The following SLC26A8 variants were observed in gnomAD, a reference collection of about 807,000 sequenced individuals.
SLC26A8 encodes solute carrier family 26 member 8, also known as testis anion transporter 1.
A neutral mutation model predicts 105.0 loss-of-function variants in SLC26A8; 70 were observed. That is an observed-to-expected ratio of 0.67 (90% CI 0.55 to 0.81). The LOEUF (loss-of-function observed/expected upper bound fraction) is 0.81, where lower values mean the gene tolerates loss of function less well. Ranked by LOEUF, SLC26A8 falls within the 40% of genes least tolerant of loss-of-function variation. SLC26A8 has a pLI of 0.00. For synonymous variants in SLC26A8, 415 were observed against 438.3 expected, an observed-to-expected ratio of 0.95 and a Z score of 0.66; for missense variants, 998 against 1,181.8, an observed-to-expected ratio of 0.84 and a Z score of 2.28.
intron 10 of SLC26A8, among the ~76,000 whole-genome samples, chr6:35,973,286 T>C (rs914978609): frequency 1.3e-5 from 2 of 152,228 alleles, no homozygotes; most frequent in African/African-American, 4.8e-5. Context: ...TCCAAAGTTT[T>C]TGCATGCTTG....
chr6:36,005,907 G>A (rs1031040926), intron 3 of SLC26A8, among the ~76,000 whole-genome samples: 15 of 152,094 alleles, frequency 9.9e-5, no homozygotes, highest in Non-Finnish European at 2.9e-5. Context: ...GAATTCTACT[G>A]TAAGGAAGAT....
At position 35,960,873 on chromosome 6, in the gene SLC26A8, G is replaced by A. The variant is rs1208284642; in HGVS notation, c.1608C>T (p.Asn536=). 1 of 1,614,170 alleles carries A rather than the reference G, an allele frequency of 6.2e-7. No individual in the cohort carries two copies. Among genetic ancestry groups the A allele is most frequent in the Non-Finnish European group, 8.5e-7 (1 of 1,180,018 alleles). ...GATAATCATTGATGCTTCTATAAAT[G>A]TTGGTGTTAGGGATTTGACCCAGGA... ...ILLLGQIPNT[N]IYRSINDYRE... The change falls in exon 14 of 20, where the codon AAC becomes AAT. Residue 536 remains asparagine, a synonymous_variant. Transcript: ENST00000490799.
chr6:36,018,289 A>G (rs138299448), intron 2 of SLC26A8, among the ~76,000 whole-genome samples: 1 of 152,376 alleles, frequency 6.6e-6, no homozygotes, highest in East Asian at 1.9e-4. Flanking sequence ...TGGATAAACA[A>G]AAATGTGGTA....
rs1293607391 is a variant in SLC26A8 at position 35,965,682 on chromosome 6, CAAAA to C, written c.1366-3065_1366-3062del. Among the ~76,000 whole-genome samples the C allele has an allele frequency of 1.6e-3, 107 of 68,952 alleles. 1 individual carries two copies. In the East Asian group the frequency reaches 0.032, roughly 20 times the overall value. The allele number at this position is 68,952 out of a possible 152,430, so 45.2% of individuals were successfully genotyped here. A position where few individuals can be genotyped will look rare whatever the true frequency, so the allele number is the denominator to read the frequency against. ...GGGCAACAAGAGCGAAACTCCATCT[CAAAA>C]AAAAAAAAAAAAAGAAAGAAAGAAA... On this transcript the variant is annotated intron_variant, in intron 11 of 19. Transcript: ENST00000490799.
intron 5 of SLC26A8, among the ~76,000 whole-genome samples, chr6:35,996,327 C>A (rs1285809741): frequency 2.6e-5 from 4 of 152,062 alleles, no homozygotes; most frequent in South Asian, 4.1e-4. Flanking sequence ...GAGAAATAAG[C>A]CTGGAGGATG....
chr6:35,981,398 T>G lies in SLC26A8; in HGVS notation c.1025+723A>C, dbSNP rs543465588. Among the ~76,000 whole-genome samples, 5 of 152,112 alleles carry G rather than the reference T, an allele frequency of 3.3e-5. No individual in the cohort carries two copies. The highest frequency in any genetic ancestry group is 1.2e-4 in the African/African-American group (5 of 41,430). Reference sequence around the variant, plus strand: ...GCTCATGCCTGTAATCCCAGCACTATAGGAGGCCAAGGCAGGAGGAATGTT... The same window carrying G: ...GCTCATGCCTGTAATCCCAGCACTAGAGGAGGCCAAGGCAGGAGGAATGTT... On this transcript the variant is annotated intron_variant, in intron 8 of 19. Transcript: ENST00000490799. The surrounding 1 kb of genome is among the most constrained non-coding windows in gnomAD (Gnocchi z 4.0).
chr6:35,962,375 A>C (rs1392815947), intron 12 of SLC26A8, 151 bp downstream of exon 12: 6 of 629,764 alleles, frequency 9.5e-6, no homozygotes, highest in Non-Finnish European at 1.7e-5. Flanking sequence ...AACAACCTTG[A>C]CTCTCCTTTT....
rs374506769 is a variant in SLC26A8 at position 35,950,240 on chromosome 6, C to G, written c.2472+923G>C. Among the ~76,000 whole-genome samples the G allele has an allele frequency of 1.3e-4, 19 of 151,734 alleles. No individual in the cohort carries two copies. The East Asian group carries it at 3.1e-3, about 25-fold the overall frequency. Reference sequence around the variant, plus strand: ...ATTTCCTTTTTTTGTTTTTGGAAACCTTTAACCTACACAGGTACTGATTTG... The same window carrying G: ...ATTTCCTTTTTTTGTTTTTGGAAACGTTTAACCTACACAGGTACTGATTTG... On this transcript the variant is annotated intron_variant, in intron 19 of 19. Transcript: ENST00000490799.
At position 35,943,851 on chromosome 6, in the gene SLC26A8, G is replaced by A. The variant is rs1193739448; in HGVS notation, c.*49C>T. ...CTCTGGACAATTGACCCCTTTTTGG[G>A]TAGGAGGATTTGCCAGCATTATCTG... On this transcript the variant is annotated 3_prime_UTR_variant, in exon 20 of 20. Coordinates refer to ENST00000490799, the MANE Select transcript of SLC26A8 (RefSeq NM_052961.4). The A allele has an allele frequency of 4.4e-6, 7 of 1,579,510 alleles. No individual in the cohort carries two copies. Among genetic ancestry groups the A allele is most frequent in the Non-Finnish European group, 6.0e-6 (7 of 1,161,858 alleles).
intron 10 of SLC26A8, among the ~76,000 whole-genome samples, chr6:35,971,497 T>C (rs1772795052): frequency 6.6e-6 from 1 of 152,190 alleles, no homozygotes; most frequent in Non-Finnish European, 1.5e-5. Flanking sequence ...GAATAGCAGA[T>C]GATGAACACC....
At chr6:35,966,888 A>G (rs992294786) in intron 11 of SLC26A8, among the ~76,000 whole-genome samples, 1 of 152,204 alleles carries the variant, frequency 6.6e-6, no homozygotes, top group African/African-American at 2.4e-5. Context: ...ACGTGTTTAT[A>G]ATAAAGGAGT....
intron 17 of SLC26A8, among the ~76,000 whole-genome samples, chr6:35,953,126 A>G (rs148475695): frequency 2.8e-4 from 42 of 152,234 alleles, no homozygotes; most frequent in Middle Eastern, 6.8e-3. Flanking sequence ...ATACACAACT[A>G]CAAAGGAAAT....
intron 7 of SLC26A8, among the ~76,000 whole-genome samples, chr6:35,991,021 C>T (rs1187858142): frequency 6.6e-6 from 1 of 152,134 alleles, no homozygotes; most frequent in East Asian, 1.9e-4. Context: ...ATAATGTGTA[C>T]TTGCAATTGC....
chr6:35,986,460 A>C (rs895635531), intron 7 of SLC26A8, among the ~76,000 whole-genome samples: 7 of 152,128 alleles, frequency 4.6e-5, no homozygotes, highest in African/African-American at 1.7e-4. Flanking sequence ...TCCTCTTATC[A>C]AATTGAAATT....
chr6:35,968,425 G>A (rs936789463), intron 11 of SLC26A8, among the ~76,000 whole-genome samples: 4 of 151,234 alleles, frequency 2.6e-5, no homozygotes, highest in African/African-American at 9.7e-5. Flanking sequence ...GATTACAGGC[G>A]GTGCCCTGTA....
rs1395397663 is a variant in SLC26A8 at position 35,943,922 on chromosome 6, C to G, written c.2891G>C (p.Gly964Ala). ...CTCCTAGACATCTTCATTGCTGTTG[C>G]CCTCTGGTGAGTATGAATCCATAGG... is the stretch of plus-strand genomic sequence containing the variant. ...RHPMDSYSPE[G>A]NSNEDV The change falls in exon 20 of 20, where the codon GGC (glycine) becomes GCC (alanine). Residue 964 changes from glycine (G) to alanine (A), a missense_variant. Gly to Ala is a moderately conservative substitution (Grantham distance 60). Coordinates refer to ENST00000490799, the MANE Select transcript of SLC26A8 (RefSeq NM_052961.4). 6.2e-7 allele frequency: 1 copy of G among 1,613,836 alleles called. No homozygotes were observed. Among genetic ancestry groups the G allele is most frequent in the South Asian group, 1.1e-5 (1 of 91,074 alleles).
intron 3 of SLC26A8, among the ~76,000 whole-genome samples, chr6:36,004,135 GTGTAATCACAGCTCGCTA>G (rs1761613693): frequency 6.7e-6 from 1 of 149,260 alleles, no homozygotes; most frequent in African/African-American, 2.5e-5. Context: ...GAGTGCAGTG[GTGTAATCACAGCTCGCTA>G]CAGCTTCAAC....
chr6:35,951,442 C>T lies in SLC26A8; in HGVS notation c.2287+3G>A. On this transcript the variant is annotated splice_donor_region_variant and intron_variant, in intron 18 of 19. Transcript: ENST00000490799. ...GCCCTCTCATAGGGTGAAGGATACT[C>T]ACAGTGACACCCTGCAATGAGTATC... 6.2e-7 allele frequency: 1 copy of T among 1,614,118 alleles called. No homozygotes were observed.
chr6:36,008,063 TGA>T (rs1359584106), intron 3 of SLC26A8, among the ~76,000 whole-genome samples: 2 of 141,672 alleles, frequency 1.4e-5, no homozygotes, highest in South Asian at 2.2e-4. Flanking sequence ...GAGCTTGCAG[TGA>T]GCCGAGATTG....
Sources: gnomAD v4.1 joint callset for allele counts (sites outside exome capture counted in the v4.1 genomes callset) on GRCh38, gnomAD v4.1.1 for gene constraint, Gnocchi (gnomAD v3.1) non-coding constraint, MANE v1.5 for transcripts, NCBI Gene and HGNC (gene_info 2026-07-23, HGNC 2026-07-21) for gene names.